The following CDK19 variants were observed in gnomAD, a reference collection of about 807,000 sequenced individuals.
CDK19 encodes the protein cyclin dependent kinase 19, also known as cyclin-dependent kinase 19.
CDK19 carries 20 observed loss-of-function variants against 68.3 expected under a neutral mutation model. The observed-to-expected ratio is 0.29, with a 90% CI of 0.21 to 0.43. CDK19 has a LOEUF of 0.43. Among genes scored for constraint, CDK19 ranks in the 20% least tolerant of loss-of-function variants. The pLI, the probability that CDK19 is intolerant of heterozygous loss-of-function variation, is 1.00. For synonymous variants in CDK19, 221 were observed against 222.8 expected (o/e 0.99, Z 0.07); for missense variants, 339 against 623.5 (o/e 0.54, Z 4.86).
chr6:110,759,440 T>G (rs1268938273), intron 1 of CDK19, among the ~76,000 whole-genome samples: 1 of 128,478 alleles, frequency 7.8e-6, no homozygotes, highest in African/African-American at 3.0e-5. Flanking sequence ...TATATATATA[T>G]ATATATATAT....
At chr6:110,707,225 A>G (rs1036484281) in intron 2 of CDK19, among the ~76,000 whole-genome samples, 1 of 152,032 alleles carries the variant, frequency 6.6e-6, no homozygotes, top group Non-Finnish European at 1.5e-5. Flanking sequence ...AATCTCAGCT[A>G]CCTGGGAGGT....
chr6:110,696,685 G>GCTGAGGCAGGCGGATCAC (rs1211372165), intron 2 of CDK19, among the ~76,000 whole-genome samples: 1 of 152,198 alleles, frequency 6.6e-6, no homozygotes. Flanking sequence ...ACTTTGGGAA[G>GCTGAGGCAGGCGGATCAC]CTGAGGCAGG....
intron 2 of CDK19, among the ~76,000 whole-genome samples, chr6:110,734,520 G>GCTCTCGCTCT (rs1777051434): frequency 1.2e-5 from 1 of 85,734 alleles, no homozygotes; most frequent in Non-Finnish European, 2.3e-5. Flanking sequence ...GGTGAGCACT[G>GCTCTCGCTCT]CTCTCTCTCT....
chr6:110,620,969 T>A, intron 12 of CDK19, 135 bp downstream of exon 12: 1 of 774,922 alleles, frequency 1.3e-6, no homozygotes, highest in Non-Finnish European at 2.0e-6. Flanking sequence ...AAAATCTTCC[T>A]CTTCATAGAA....
intron 1 of CDK19, 168 bp downstream of exon 1, chr6:110,814,841 G>C (rs1394421969): frequency 5.8e-6 from 5 of 862,502 alleles, no homozygotes; most frequent in Non-Finnish European, 9.1e-6. Flanking sequence ...GCGCGGGGGA[G>C]GCGGGCGGAA....
intron 2 of CDK19, among the ~76,000 whole-genome samples, chr6:110,712,721 T>C (rs1187312686): frequency 2.0e-5 from 3 of 152,154 alleles, no homozygotes; most frequent in African/African-American, 2.4e-5. Flanking sequence ...AGGATATTTA[T>C]CCACAGTGGC....
chr6:110,635,739 C>T (rs1454531275), intron 5 of CDK19, among the ~76,000 whole-genome samples: 2 of 152,260 alleles, frequency 1.3e-5, no homozygotes, highest in East Asian at 3.9e-4. Flanking sequence ...GGGGTTTCAC[C>T]ATGTTGGCCA....
At chr6:110,734,540 T>TCTCTCTCTCTCTCTCTCTCTCTCC (rs1777072227) in intron 2 of CDK19, among the ~76,000 whole-genome samples, 1 of 148,916 alleles carries the variant, frequency 6.7e-6, no homozygotes, top group Non-Finnish European at 1.5e-5. Flanking sequence ...TCTCTCTCTC[T>TCTCTCTCTCTCTCTCTCTCTCTCC]CTCTCTCTCT....
At chr6:110,678,831 C>A (rs1477431979) in intron 2 of CDK19, among the ~76,000 whole-genome samples, 1 of 152,202 alleles carries the variant, frequency 6.6e-6, no homozygotes, top group African/African-American at 2.4e-5. Flanking sequence ...GAATAATTCT[C>A]AACTATAAGC....
rs534268445 is a variant in CDK19, at chr6:110,798,384, G to A, written c.128+16625C>T. ...TCCTGCCTGTGATCCCAGCACTTTA[G>A]GAGGCCGAGGCAAGTGGATCACCAG... On this transcript the variant is annotated intron_variant, in intron 1 of 12. Transcript: ENST00000368911. Among the ~76,000 whole-genome samples the A allele has an allele frequency of 2.1e-3, 316 of 152,272 alleles. 1 individual carries two copies. The highest frequency in any genetic ancestry group is 3.0e-3 in the Non-Finnish European group (205 of 68,020).
chr6:110,655,611 G>A (rs1354401090), intron 4 of CDK19, among the ~76,000 whole-genome samples: 2 of 152,002 alleles, frequency 1.3e-5, no homozygotes, highest in Admixed American at 6.6e-5. Flanking sequence ...TTGCATTGAC[G>A]CTCTCTTTTC....
At chr6:110,722,221 T>C (rs1160791746) in intron 2 of CDK19, 5 of 152,158 alleles carry the variant, frequency 3.3e-5, no homozygotes, top group Admixed American at 1.3e-4. Context: ...CCTACACTTG[T>C]GGAGTTTTTA....
intron 1 of CDK19, among the ~76,000 whole-genome samples, chr6:110,771,367 G>A (rs1780006658): frequency 6.6e-6 from 1 of 152,162 alleles, no homozygotes; most frequent in Admixed American, 6.6e-5. Context: ...CCAAGGCTTG[G>A]GGCTTCCACC....
intron 1 of CDK19, among the ~76,000 whole-genome samples, chr6:110,777,604 C>A (rs1470894651): frequency 6.6e-6 from 1 of 152,140 alleles, no homozygotes; most frequent in Non-Finnish European, 1.5e-5. Flanking sequence ...AAAAATTAAA[C>A]AGAGAATTAC....
chr6:110,734,520 G>GCTCTCTCTCTCT (rs34004722), intron 2 of CDK19, among the ~76,000 whole-genome samples: 4,683 of 85,580 alleles, frequency 0.055, 816 homozygotes, highest in Middle Eastern at 0.081. Flanking sequence ...GGTGAGCACT[G>GCTCTCTCTCTCT]CTCTCTCTCT....
At chr6:110,781,462 G>A (rs77603706) in intron 1 of CDK19, among the ~76,000 whole-genome samples, 1,886 of 152,244 alleles carry the variant, frequency 0.012, 34 homozygotes, top group African/African-American at 0.043. Flanking sequence ...TTTCCAACCT[G>A]AGATTTGGAG....
chr6:110,657,281 C>G (rs920569473), intron 4 of CDK19, among the ~76,000 whole-genome samples: 1 of 152,136 alleles, frequency 6.6e-6, no homozygotes, highest in African/African-American at 2.4e-5. Flanking sequence ...TTATGGCCCT[C>G]CCTATAGAAG....
chr6:110,644,065 G>A (rs984082434), intron 4 of CDK19, among the ~76,000 whole-genome samples: 1 of 151,970 alleles, frequency 6.6e-6, no homozygotes, highest in Non-Finnish European at 1.5e-5. Flanking sequence ...AGGCCAAGGC[G>A]GGCAGATCAC....
intron 1 of CDK19, among the ~76,000 whole-genome samples, chr6:110,786,505 G>GC (rs1781232724): frequency 6.6e-6 from 1 of 152,098 alleles, no homozygotes; most frequent in Non-Finnish European, 1.5e-5. Flanking sequence ...TGTAACAACA[G>GC]CATCTTAAAT....
Sources: gnomAD v4.1 joint callset for allele counts (sites outside exome capture counted in the v4.1 genomes callset) on GRCh38, gnomAD v4.1.1 for gene constraint, MANE v1.5 for transcripts, NCBI Gene and HGNC (gene_info 2026-07-23, HGNC 2026-07-21) for gene names.